Variants in MAGI2 observed in about 807,000 individuals in gnomAD.
MAGI2 encodes membrane associated guanylate kinase, WW and PDZ domain containing 2.
A neutral mutation model predicts 133.3 loss-of-function variants in MAGI2; 35 were observed. The observed-to-expected ratio is 0.26, with a 90% CI of 0.20 to 0.35. MAGI2 has a LOEUF of 0.35. Among genes scored for constraint, MAGI2 ranks in the 10% least tolerant of loss-of-function variants. MAGI2 has a pLI of 1.00. For missense variants in MAGI2, 1,636 were observed against 1,863.4 expected (o/e 0.88, Z 2.25); for synonymous variants, 729 against 710.6 (o/e 1.03, Z -0.41).
At position 78,909,403 on chromosome 7, in the gene MAGI2, T is replaced by C. The variant is rs147575727; in HGVS notation, c.418+97687A>G. Among the ~76,000 whole-genome samples the C allele has an allele frequency of 3.8e-3, 567 of 148,586 alleles. 22 individuals are homozygous for C. In the East Asian group the frequency reaches 0.079, roughly 21 times the overall value. ...GGTCAGGAGATCAAGATCATCCTGGTTAACATGGTGAAACCCCGTCTCTAC... is the reference window on the plus strand; with the variant it reads ...GGTCAGGAGATCAAGATCATCCTGGCTAACATGGTGAAACCCCGTCTCTAC... On this transcript the variant is annotated intron_variant, in intron 2 of 21. Transcript: ENST00000354212.
chr7:79,263,086 C>G (rs534686943), intron 1 of MAGI2, among the ~76,000 whole-genome samples: 2 of 152,174 alleles, frequency 1.3e-5, no homozygotes, highest in Admixed American at 6.5e-5. Context: ...TTGGCTGGCA[C>G]TTACATTTTA....
At chr7:78,764,315 A>C (rs894092329) in intron 2 of MAGI2, among the ~76,000 whole-genome samples, 1 of 151,646 alleles carries the variant, frequency 6.6e-6, no homozygotes, top group Non-Finnish European at 1.5e-5. Context: ...ATTACTTTTA[A>C]ATGCTGAGAT....
chr7:78,147,445 G>A (rs1823415783), intron 16 of MAGI2, among the ~76,000 whole-genome samples: 1 of 152,048 alleles, frequency 6.6e-6, no homozygotes, highest in Non-Finnish European at 1.5e-5. Flanking sequence ...ATATTTTAAA[G>A]TGTTATAACT....
At chr7:79,340,623 A>C (rs2129099644) in intron 1 of MAGI2, among the ~76,000 whole-genome samples, 1 of 152,194 alleles carries the variant, frequency 6.6e-6, no homozygotes, top group African/African-American at 2.4e-5. Context: ...TTTTGGTATT[A>C]ATTGTCTGCC....
rs1195963472 is a variant in MAGI2 at position 79,190,802 on chromosome 7, A to G, written c.302-183596T>C. On this transcript the variant is annotated intron_variant, in intron 1 of 21. Coordinates refer to ENST00000354212, the MANE Select transcript of MAGI2 (RefSeq NM_012301.4). ...ATTAACATGCTATATTTTAGTATAC[A>G]CTAGTCTAATTTTTTTCTCCCATTT... Among the ~76,000 whole-genome samples, 3 of 151,824 alleles carry G rather than the reference A, an allele frequency of 2.0e-5. 1 individual carries two copies. The highest frequency in any genetic ancestry group is 4.4e-5 in the Non-Finnish European group (3 of 67,966).
At chr7:78,791,993 C>T (rs957420745) in intron 2 of MAGI2, among the ~76,000 whole-genome samples, 1 of 152,178 alleles carries the variant, frequency 6.6e-6, no homozygotes, top group South Asian at 2.1e-4. Context: ...GCATAGGATG[C>T]TATACACTAA....
At chr7:78,412,196 T>G (rs1281942337) in intron 6 of MAGI2, among the ~76,000 whole-genome samples, 1 of 152,078 alleles carries the variant, frequency 6.6e-6, no homozygotes, top group Non-Finnish European at 1.5e-5. Flanking sequence ...CAGTATTCCT[T>G]GAACAATCGA....
intron 1 of MAGI2, among the ~76,000 whole-genome samples, chr7:79,229,479 C>G (rs1458944584): frequency 6.6e-6 from 1 of 152,168 alleles, no homozygotes; most frequent in African/African-American, 2.4e-5. Flanking sequence ...GCTTCAGCTA[C>G]TGACTGATAC....
intron 2 of MAGI2, among the ~76,000 whole-genome samples, chr7:78,890,872 AAGATC>A (rs1411117288): frequency 4.6e-5 from 7 of 152,162 alleles, no homozygotes; most frequent in African/African-American, 1.4e-4. Flanking sequence ...AGAAATAACT[AAGATC>A]AGAGCAGAAC....
chr7:78,303,378 CAAA>C (rs11377993), intron 9 of MAGI2, among the ~76,000 whole-genome samples: 5 of 33,348 alleles, frequency 1.5e-4, no homozygotes, highest in African/African-American at 2.5e-4. Context: ...AAACTGTCTC[CAAA>C]AAAAAAAAAA....
intron 2 of MAGI2, among the ~76,000 whole-genome samples, chr7:78,705,061 T>C (rs555259767): frequency 6.6e-6 from 1 of 152,124 alleles, no homozygotes; most frequent in Non-Finnish European, 1.5e-5. Context: ...ACACTGTAAA[T>C]TGGAGTTTCC....
At chr7:78,698,985 A>T (rs11760430) in intron 2 of MAGI2, among the ~76,000 whole-genome samples, 1 of 152,170 alleles carries the variant, frequency 6.6e-6, no homozygotes, top group Non-Finnish European at 1.5e-5. Context: ...CTTTACATAC[A>T]ATATACTTTT....
chr7:78,853,694 G>T (rs942331494), intron 2 of MAGI2, among the ~76,000 whole-genome samples: 1 of 151,874 alleles, frequency 6.6e-6, no homozygotes, highest in East Asian at 1.9e-4. Flanking sequence ...TCTGACTGCT[G>T]CTCTGAATCT....
At chr7:78,328,251 T>A (rs57992331) in intron 9 of MAGI2, among the ~76,000 whole-genome samples, 36,237 of 151,854 alleles carry the variant, frequency 0.24, 4,741 homozygotes, top group East Asian at 0.52. Context: ...CTCAAGGACT[T>A]ACGCCTTGAT....
At chr7:78,385,830 T>C (rs1422815205) in intron 6 of MAGI2, among the ~76,000 whole-genome samples, 3 of 152,234 alleles carry the variant, frequency 2.0e-5, no homozygotes, top group Admixed American at 6.5e-5. Flanking sequence ...TTGAATCATA[T>C]AATACCAGCC....
intron 1 of MAGI2, among the ~76,000 whole-genome samples, chr7:79,424,908 T>A (rs1162714029): frequency 6.6e-6 from 1 of 152,142 alleles, no homozygotes; most frequent in Non-Finnish European, 1.5e-5. Context: ...CTTCTAGAGT[T>A]TTTAATTTTT....
In MAGI2 at chr7:79,331,093, A is replaced by C. The variant is rs530568667; in HGVS notation, c.301+121927T>G. Among the ~76,000 whole-genome samples the C allele has an allele frequency of 2.6e-5, 4 of 152,314 alleles. No individual in the cohort carries two copies. The South Asian group carries it at 8.3e-4, about 32-fold the overall frequency. On this transcript the variant is annotated intron_variant, in intron 1 of 21. Coordinates refer to ENST00000354212, the MANE Select transcript of MAGI2 (RefSeq NM_012301.4). ...CTGGGAATGGTTTGGCAGTAGGTCT[A>C]GAGGATGTGAGTGCGTACTTGAATT...
At chr7:78,550,410 T>C (rs751621047) in intron 3 of MAGI2, among the ~76,000 whole-genome samples, 6 of 152,154 alleles carry the variant, frequency 3.9e-5, no homozygotes, top group Non-Finnish European at 7.4e-5. Context: ...AAGGATAAGC[T>C]TGGACTTAGG....
At chr7:78,934,596 G>T (rs1227568191) in intron 2 of MAGI2, among the ~76,000 whole-genome samples, 1 of 152,098 alleles carries the variant, frequency 6.6e-6, no homozygotes, top group Non-Finnish European at 1.5e-5. Context: ...TTCTGATGTT[G>T]TTTCATGCAG....
Sources: gnomAD v4.1 joint callset for allele counts (sites outside exome capture counted in the v4.1 genomes callset) on GRCh38, gnomAD v4.1.1 for gene constraint, MANE v1.5 for transcripts, NCBI Gene and HGNC (gene_info 2026-07-23, HGNC 2026-07-21) for gene names.